CEP128: variants seen among roughly 807,000 people sequenced by gnomAD.
The protein encoded by CEP128 is centrosomal protein 128kDa.
Under a neutral mutation model 156.7 loss-of-function variants are expected in CEP128, and 132 were observed. The observed-to-expected ratio is 0.84, with a 90% CI of 0.73 to 0.97. CEP128 has a LOEUF of 0.97. CEP128 is among the 50% of genes least tolerant of loss of function. CEP128 has a pLI of 0.00. For missense variants in CEP128, 1,252 were observed against 1,281.9 expected (o/e 0.98, Z 0.36); for synonymous variants, 469 against 448.9 (o/e 1.04, Z -0.57).
At chr14:80,575,451 T>G (rs2140427929) in intron 20 of CEP128, among the ~76,000 whole-genome samples, 1 of 152,278 alleles carries the variant, frequency 6.6e-6, no homozygotes, top group East Asian at 1.9e-4. Context: ...TAATACTACT[T>G]TCTTCAGCAT....
intron 9 of CEP128, among the ~76,000 whole-genome samples, chr14:80,861,190 CAT>C (rs762032263): frequency 7.2e-5 from 11 of 151,904 alleles, no homozygotes; most frequent in Non-Finnish European, 1.5e-4. Context: ...GTAATTGTTT[CAT>C]ATGAGTCAAT....
At chr14:80,658,069 A>G (rs1035627969) in intron 19 of CEP128, among the ~76,000 whole-genome samples, 2 of 152,226 alleles carry the variant, frequency 1.3e-5, no homozygotes, top group Non-Finnish European at 2.9e-5. Flanking sequence ...TTCTAATGCT[A>G]TCACCACAGT....
At chr14:80,680,875 G>A (rs906128880) in intron 19 of CEP128, among the ~76,000 whole-genome samples, 5 of 152,132 alleles carry the variant, frequency 3.3e-5, no homozygotes, top group African/African-American at 1.2e-4. Flanking sequence ...GTGTGGCTCT[G>A]TCAATCATGC....
chr14:80,608,338 C>T (rs193165822), intron 19 of CEP128, among the ~76,000 whole-genome samples: 81 of 152,274 alleles, frequency 5.3e-4, no homozygotes, highest in African/African-American at 1.9e-3. Context: ...AAGTGCTGGG[C>T]ACATAGGAAG....
chr14:80,727,394 G>A (rs183509068), intron 19 of CEP128, among the ~76,000 whole-genome samples: 1 of 152,238 alleles, frequency 6.6e-6, no homozygotes, highest in East Asian at 1.9e-4. Flanking sequence ...GGGAGTTACA[G>A]AAGTGGAGAG....
chr14:80,900,062 A>G, intron 6 of CEP128, 33 bp from the exon 7 acceptor site: 1 of 1,324,490 alleles, frequency 7.6e-7, no homozygotes, highest in Non-Finnish European at 1.1e-6. Context: ...ATCCATTTAG[A>G]ATTCTGTTGA....
intron 19 of CEP128, among the ~76,000 whole-genome samples, chr14:80,733,578 A>G (rs1352083948): frequency 3.3e-5 from 5 of 152,148 alleles, no homozygotes; most frequent in Admixed American, 6.6e-5. Context: ...AATCATAAAT[A>G]TAAGAGAGAT....
At chr14:80,844,222 C>G (rs1021629371) in intron 9 of CEP128, among the ~76,000 whole-genome samples, 1 of 151,912 alleles carries the variant, frequency 6.6e-6, no homozygotes, top group Admixed American at 6.6e-5. Context: ...CATTCACATT[C>G]TAAATCCCTG....
chr14:80,864,591 CTG>C (rs1887677911), intron 8 of CEP128, among the ~76,000 whole-genome samples: 1 of 150,650 alleles, frequency 6.6e-6, no homozygotes, highest in South Asian at 2.1e-4. Flanking sequence ...CAGTCTCACT[CTG>C]TCACCCAGGC....
intron 19 of CEP128, among the ~76,000 whole-genome samples, chr14:80,656,244 T>A (rs1895129713): frequency 7.9e-6 from 1 of 125,944 alleles, no homozygotes; most frequent in Admixed American, 9.0e-5. Flanking sequence ...AAGTGAAGGA[T>A]CCTCAAGTAT....
intron 9 of CEP128, among the ~76,000 whole-genome samples, chr14:80,848,783 A>T (rs1886740377): frequency 6.6e-6 from 1 of 152,030 alleles, no homozygotes; most frequent in Admixed American, 6.6e-5. Flanking sequence ...TTAGCCAGAC[A>T]TGGTGGGACA....
At chr14:80,863,766 G>T (rs1481477864) in intron 8 of CEP128, among the ~76,000 whole-genome samples, 3 of 152,148 alleles carry the variant, frequency 2.0e-5, no homozygotes, top group African/African-American at 7.2e-5. Context: ...CCTTATTGGG[G>T]TCGTGTAAAT....
At chr14:80,682,271 C>G (rs945862559) in intron 19 of CEP128, among the ~76,000 whole-genome samples, 1 of 152,104 alleles carries the variant, frequency 6.6e-6, no homozygotes, top group Non-Finnish European at 1.5e-5. Context: ...ATCAGAACTT[C>G]TGGAATTGAA....
intron 13 of CEP128, among the ~76,000 whole-genome samples, chr14:80,796,165 C>T (rs1246219954): frequency 1.3e-5 from 2 of 152,074 alleles, no homozygotes; most frequent in Non-Finnish European, 2.9e-5. Flanking sequence ...TCATCAAGAT[C>T]CCCAAAGATC....
At chr14:80,664,907 C>A (rs376510160) in intron 19 of CEP128, among the ~76,000 whole-genome samples, 1 of 152,110 alleles carries the variant, frequency 6.6e-6, no homozygotes, top group African/African-American at 2.4e-5. Flanking sequence ...GCTCTAATAG[C>A]GTAAACTTTA....
intron 21 of CEP128, among the ~76,000 whole-genome samples, chr14:80,545,608 T>C (rs1409545681): frequency 6.6e-6 from 1 of 152,130 alleles, no homozygotes; most frequent in Non-Finnish European, 1.5e-5. Context: ...AAAATGAAGC[T>C]CCCTTGATCC....
chr14:80,511,165 A>G (rs1254068154), intron 23 of CEP128, among the ~76,000 whole-genome samples: 1 of 151,706 alleles, frequency 6.6e-6, no homozygotes, highest in Non-Finnish European at 1.5e-5. Context: ...ATTCTTTGAA[A>G]TAGGTTGAGT....
intron 13 of CEP128, among the ~76,000 whole-genome samples, chr14:80,818,220 T>C (rs1884974505): frequency 6.6e-6 from 1 of 152,160 alleles, no homozygotes; most frequent in South Asian, 2.1e-4. Flanking sequence ...GGTCTTACTA[T>C]GTTGCCCAGG....
chr14:80,510,105 G>T (rs1289390172), intron 23 of CEP128, among the ~76,000 whole-genome samples: 1 of 152,048 alleles, frequency 6.6e-6, no homozygotes, highest in Non-Finnish European at 1.5e-5. Context: ...TGGCTATTCT[G>T]GGTCTTGTGG....
Sources: gnomAD v4.1 joint callset for allele counts (sites outside exome capture counted in the v4.1 genomes callset) on GRCh38, gnomAD v4.1.1 for gene constraint, MANE v1.5 for transcripts, NCBI Gene and HGNC (gene_info 2026-07-23, HGNC 2026-07-21) for gene names.